CNTN5: variants seen among roughly 807,000 people sequenced by gnomAD.
CNTN5 encodes contactin 5.
CNTN5 carries 77 observed loss-of-function variants against 129.1 expected under a neutral mutation model. That is an observed-to-expected ratio of 0.60 (90% CI 0.50 to 0.72). CNTN5 has a LOEUF of 0.72. Ranked by LOEUF, CNTN5 falls within the 30% of genes least tolerant of loss-of-function variation. The pLI, the probability that CNTN5 is intolerant of heterozygous loss-of-function variation, is 0.00. For missense variants in CNTN5, 1,478 were observed against 1,328.8 expected (o/e 1.11, Z -1.75); for synonymous variants, 509 against 465.6 (o/e 1.09, Z -1.20).
At chr11:100,094,354 C>T (rs1475345456) in intron 13 of CNTN5, among the ~76,000 whole-genome samples, 1 of 152,144 alleles carries the variant, frequency 6.6e-6, no homozygotes, top group African/African-American at 2.4e-5. Context: ...ATACTGAGCA[C>T]ATGACTTTAA....
chr11:99,674,689 C>T (rs1158585931), intron 3 of CNTN5, among the ~76,000 whole-genome samples: 1 of 152,110 alleles, frequency 6.6e-6, no homozygotes, highest in Non-Finnish European at 1.5e-5. Context: ...CAAGGATTGT[C>T]TCGAGGCTTT....
chr11:99,292,588 C>T (rs1405513616), intron 1 of CNTN5, among the ~76,000 whole-genome samples: 2 of 152,126 alleles, frequency 1.3e-5, no homozygotes, highest in Non-Finnish European at 2.9e-5. Context: ...TTCCCACCTA[C>T]TTTCCTGCTC....
At chr11:99,575,689 G>T (rs944976067) in intron 3 of CNTN5, among the ~76,000 whole-genome samples, 3 of 152,154 alleles carry the variant, frequency 2.0e-5, no homozygotes, top group Non-Finnish European at 4.4e-5. Context: ...AAGAGCAAAG[G>T]TTCATGAACC....
At chr11:99,836,100 G>T (rs544499058) in intron 4 of CNTN5, among the ~76,000 whole-genome samples, 1 of 151,178 alleles carries the variant, frequency 6.6e-6, no homozygotes, top group Admixed American at 6.6e-5. Flanking sequence ...CTAAACAAGG[G>T]GTGGTTTGTT....
At chr11:99,792,573 G>GTTTGTGTC (rs1555113490) in intron 3 of CNTN5, among the ~76,000 whole-genome samples, 1 of 116,614 alleles carries the variant, frequency 8.6e-6, no homozygotes, top group Non-Finnish European at 1.7e-5. Flanking sequence ...GTGTGTGTGT[G>GTTTGTGTC]TGTCTGTCTG....
At chr11:99,178,363 C>CACAG (rs1857883444) in intron 1 of CNTN5, among the ~76,000 whole-genome samples, 1 of 119,654 alleles carries the variant, frequency 8.4e-6, no homozygotes. Flanking sequence ...CACACACACA[C>CACAG]ACACAAAATT....
At chr11:99,865,521 T>C (rs1948331660) in intron 6 of CNTN5, among the ~76,000 whole-genome samples, 1 of 151,870 alleles carries the variant, frequency 6.6e-6, no homozygotes, top group Non-Finnish European at 1.5e-5. Context: ...GAAATGAATA[T>C]GTTATGATAT....
chr11:99,306,856 C>T (rs190301276), intron 1 of CNTN5, among the ~76,000 whole-genome samples: 1 of 151,722 alleles, frequency 6.6e-6, no homozygotes, highest in African/African-American at 2.4e-5. Context: ...TTCAATAGTG[C>T]TAAGTACAAC....
intron 2 of CNTN5, among the ~76,000 whole-genome samples, chr11:99,543,918 CAAAAAAACAAA>C (rs1452454451): frequency 8.6e-5 from 2 of 23,166 alleles, no homozygotes; most frequent in African/African-American, 1.1e-4. Context: ...GAGTCTGTCT[CAAAAAAACAAA>C]AAAAAAAAAA....
intron 1 of CNTN5, among the ~76,000 whole-genome samples, chr11:99,228,373 A>G (rs915716832): frequency 6.6e-6 from 1 of 152,224 alleles, no homozygotes; most frequent in South Asian, 2.1e-4. Context: ...AGATTGGTTA[A>G]CAGGTACAAA....
chr11:99,480,970 A>G (rs139426230), intron 2 of CNTN5, among the ~76,000 whole-genome samples: 6 of 152,294 alleles, frequency 3.9e-5, no homozygotes, highest in African/African-American at 1.4e-4. Context: ...ATTCACTTGC[A>G]TATGTCCTTG....
chr11:99,848,185 G>C (rs1287085906), intron 6 of CNTN5, among the ~76,000 whole-genome samples: 1 of 152,166 alleles, frequency 6.6e-6, no homozygotes, highest in Non-Finnish European at 1.5e-5. Context: ...ACTCCAGCCT[G>C]GGCGACAAAG....
At chr11:99,998,283 A>G (rs912743052) in intron 8 of CNTN5, among the ~76,000 whole-genome samples, 6 of 151,954 alleles carry the variant, frequency 3.9e-5, no homozygotes, top group Non-Finnish European at 8.8e-5. Context: ...AACCTCCTCA[A>G]GCTGATAAGC....
intron 13 of CNTN5, among the ~76,000 whole-genome samples, chr11:100,079,552 A>G (rs749278898): frequency 6.6e-6 from 1 of 152,174 alleles, no homozygotes; most frequent in South Asian, 2.1e-4. Flanking sequence ...CCAAATATTT[A>G]CTTGTTCCAT....
chr11:99,087,937 G>A (rs984710568), intron 1 of CNTN5, among the ~76,000 whole-genome samples: 1 of 152,176 alleles, frequency 6.6e-6, no homozygotes, highest in African/African-American at 2.4e-5. Flanking sequence ...CAAATGCTTA[G>A]CCTAATGCTA....
intron 1 of CNTN5, among the ~76,000 whole-genome samples, chr11:99,182,860 T>C (rs951810266): frequency 1.3e-5 from 2 of 152,156 alleles, no homozygotes; most frequent in African/African-American, 2.4e-5. Context: ...TGTAATGAAA[T>C]ATTAACATAA....
Position 100,299,165 on chromosome 11 carries a change from G to T in CNTN5, c.2389G>T (p.Val797Leu). 6.3e-7 allele frequency: 1 copy of T among 1,582,708 alleles called. No homozygotes were observed. ...RHELVIAWEP[V>L]SEEFQNGEGF... Reference sequence around the variant, plus strand: ...TAATTATATTTTTCTTCTTTAGCCAGTATCTGAAGAGTTTCAGAATGGGGA... The same window carrying T: ...TAATTATATTTTTCTTCTTTAGCCATTATCTGAAGAGTTTCAGAATGGGGA... Residue 797 changes from valine (V) to leucine (L), a missense_variant, in exon 20 of 25, where the codon GTA (valine) becomes TTA (leucine). Physicochemically the swap from Val to Leu is conservative, Grantham distance 32. Coordinates refer to ENST00000524871, the MANE Select transcript of CNTN5 (RefSeq NM_014361.4).
rs371321803 is a variant in CNTN5, at chr11:99,541,793, C to A, written c.-70-14352C>A. Among the ~76,000 whole-genome samples the A allele has an allele frequency of 4.6e-5, 7 of 151,234 alleles. No individual in the cohort carries two copies. In the South Asian group the frequency reaches 6.3e-4, roughly 14 times the overall value. On this transcript the variant is annotated intron_variant, in intron 2 of 24. Transcript: ENST00000524871. ...GTGAAATCTCGTCTCTATGGAAAATCAAAAAATTGGCTACGTAGGATGGCA... is the reference window on the plus strand; with the variant it reads ...GTGAAATCTCGTCTCTATGGAAAATAAAAAAATTGGCTACGTAGGATGGCA...
chr11:100,180,248 T>C (rs574060099), intron 13 of CNTN5, among the ~76,000 whole-genome samples: 25 of 152,174 alleles, frequency 1.6e-4, no homozygotes, highest in African/African-American at 5.8e-4. Context: ...GACTGTGTAA[T>C]GCTGGTGCAG....
Sources: allele counts gnomAD v4.1 joint callset (sites outside exome capture counted in the v4.1 genomes callset), GRCh38; gene constraint gnomAD v4.1.1; transcripts MANE v1.5; gene names NCBI Gene and HGNC (gene_info 2026-07-23, HGNC 2026-07-21).